Variants in TAFA1 observed in about 807,000 individuals in gnomAD.
TAFA1 encodes the protein chemokine-like protein TAFA-1.
A neutral mutation model predicts 18.5 loss-of-function variants in TAFA1; 4 were observed. That is an observed-to-expected ratio of 0.22 (90% CI 0.11 to 0.49). TAFA1 has a LOEUF of 0.49. Among genes scored for constraint, TAFA1 ranks in the 20% least tolerant of loss-of-function variants. The pLI, the probability that TAFA1 is intolerant of heterozygous loss-of-function variation, is 0.98. For synonymous variants in TAFA1, 56 were observed against 55.2 expected (o/e 1.01, Z -0.06); for missense variants, 147 against 169.0 (o/e 0.87, Z 0.72).
chr3:68,024,410 C>G lies in TAFA1; in HGVS notation c.118+17666C>G, dbSNP rs142112523. On this transcript the variant is annotated intron_variant, in intron 2 of 4. Coordinates refer to ENST00000478136, the MANE Select transcript of TAFA1 (RefSeq NM_213609.4). ...AGTATGGCAATATTTTTCCTCTCCC[C>G]CTTCCTTTAATTAAACATTCTTGTA... Among the ~76,000 whole-genome samples the G allele has an allele frequency of 1.6e-4, 24 of 152,204 alleles. No individual in the cohort carries two copies. The East Asian group carries it at 4.1e-3, about 26-fold the overall frequency.
At chr3:68,003,909 C>A (rs1358251004), upstream of TAFA1, among the ~76,000 whole-genome samples, 1 of 152,094 alleles carries the variant, frequency 6.6e-6, no homozygotes, top group Non-Finnish European at 1.5e-5. Context: ...ATAAACCTGA[C>A]AATATTTGTG....
chr3:68,270,192 T>C (rs1458825918), intron 2 of TAFA1, among the ~76,000 whole-genome samples: 2 of 152,188 alleles, frequency 1.3e-5, no homozygotes, highest in East Asian at 3.9e-4. Context: ...ATTGCGCCAC[T>C]GGAGCTCCAG....
intron 2 of TAFA1, among the ~76,000 whole-genome samples, chr3:68,089,367 ACATTAG>A (rs2065006417): frequency 6.6e-6 from 1 of 152,228 alleles, no homozygotes; most frequent in South Asian, 2.1e-4. Flanking sequence ...TAGATTATAA[ACATTAG>A]CTGTTCCTCT....
intron 2 of TAFA1, among the ~76,000 whole-genome samples, chr3:68,137,935 A>G (rs537307343): frequency 2.0e-5 from 3 of 152,268 alleles, no homozygotes; most frequent in African/African-American, 4.8e-5. Context: ...TTATAGCCAA[A>G]TATCCCAATT....
At chr3:68,390,624 G>A (rs2070216795) in intron 2 of TAFA1, among the ~76,000 whole-genome samples, 1 of 152,222 alleles carries the variant, frequency 6.6e-6, no homozygotes, top group Admixed American at 6.5e-5. Context: ...CATCTGGCAG[G>A]TGGCCCTGTG....
intron 2 of TAFA1, among the ~76,000 whole-genome samples, chr3:68,149,062 A>G (rs1371430906): frequency 6.6e-6 from 1 of 152,186 alleles, no homozygotes; most frequent in Non-Finnish European, 1.5e-5. Flanking sequence ...ACCTGGAAGT[A>G]AGTTAAGCTG....
chr3:68,008,962 C>G (rs1704418532), intron 2 of TAFA1, among the ~76,000 whole-genome samples: 1 of 152,130 alleles, frequency 6.6e-6, no homozygotes, highest in Non-Finnish European at 1.5e-5. Context: ...ATAAAAATAA[C>G]TTCGAATAAG....
chr3:68,380,077 T>C (rs2069904921), intron 2 of TAFA1, among the ~76,000 whole-genome samples: 1 of 152,114 alleles, frequency 6.6e-6, no homozygotes. Context: ...TTCATCCATG[T>C]CCCTACAAAG....
chr3:68,082,277 G>A (rs187537126), intron 2 of TAFA1, among the ~76,000 whole-genome samples: 60 of 152,310 alleles, frequency 3.9e-4, no homozygotes, highest in Non-Finnish European at 6.6e-4. Flanking sequence ...CATCTTGTGC[G>A]TCGCTCACGC....
At chr3:68,053,436 C>A (rs1192065902) in intron 2 of TAFA1, among the ~76,000 whole-genome samples, 1 of 152,060 alleles carries the variant, frequency 6.6e-6, no homozygotes, top group Non-Finnish European at 1.5e-5. Flanking sequence ...TCTGATGGTA[C>A]TTTTTCTAGT....
chr3:68,107,227 G>A (rs1166081049), intron 2 of TAFA1, among the ~76,000 whole-genome samples: 1 of 152,082 alleles, frequency 6.6e-6, no homozygotes, highest in Non-Finnish European at 1.5e-5. Flanking sequence ...CTGTTTTGGG[G>A]AAAGGGGAAG....
chr3:68,122,271 T>C (rs2065408848), intron 2 of TAFA1, among the ~76,000 whole-genome samples: 1 of 152,176 alleles, frequency 6.6e-6, no homozygotes. Flanking sequence ...TTCCAGCATA[T>C]GGCCAGCATT....
In TAFA1 at chr3:68,271,836, T is replaced by TCACA. The variant is rs965274782; in HGVS notation, c.119-145423_119-145420dup. On this transcript the variant is annotated intron_variant, in intron 2 of 4. Transcript: ENST00000478136. Reference sequence around the variant, plus strand: ...GTCTATCTCTCTCTCTCTCTCTCTCTCACACACACACACACACACACACAT... The same window carrying TCACA: ...GTCTATCTCTCTCTCTCTCTCTCTCTCACACACACACACACACACACACACACAT... Among the ~76,000 whole-genome samples, 85 of 129,300 alleles carry TCACA rather than the reference T, an allele frequency of 6.6e-4. No individual in the cohort carries two copies. In the East Asian group the frequency reaches 8.7e-3, roughly 13 times the overall value. 84.8% of individuals were successfully genotyped at this position (129,300 alleles called of 152,430 possible).
intron 3 of TAFA1, among the ~76,000 whole-genome samples, chr3:68,511,916 C>A (rs897301915): frequency 1.8e-4 from 27 of 151,964 alleles, no homozygotes; most frequent in African/African-American, 6.3e-4. Flanking sequence ...ATTATCATCA[C>A]CAATAACATA....
At chr3:68,232,265 T>C (rs2066881145) in intron 2 of TAFA1, among the ~76,000 whole-genome samples, 1 of 152,190 alleles carries the variant, frequency 6.6e-6, no homozygotes, top group African/African-American at 2.4e-5. Flanking sequence ...TACTCTCTAC[T>C]TTTATATGCT....
chr3:68,184,750 G>A (rs1208612560), intron 2 of TAFA1, among the ~76,000 whole-genome samples: 2 of 152,030 alleles, frequency 1.3e-5, no homozygotes, highest in Non-Finnish European at 1.5e-5. Context: ...AAGATATCAG[G>A]CCCAAAGAAT....
At chr3:68,180,440 A>G (rs925664221) in intron 2 of TAFA1, among the ~76,000 whole-genome samples, 1 of 152,178 alleles carries the variant, frequency 6.6e-6, no homozygotes, top group African/African-American at 2.4e-5. Context: ...GGTAAAGGAT[A>G]CTGAACGAGA....
At chr3:68,117,099 C>T (rs192607173) in intron 2 of TAFA1, among the ~76,000 whole-genome samples, 11 of 152,238 alleles carry the variant, frequency 7.2e-5, no homozygotes, top group Non-Finnish European at 1.5e-4. Flanking sequence ...CTCTCTTTTG[C>T]GCAAATAAGT....
At chr3:68,124,909 G>A (rs2065445730) in intron 2 of TAFA1, among the ~76,000 whole-genome samples, 1 of 152,220 alleles carries the variant, frequency 6.6e-6, no homozygotes, top group Non-Finnish European at 1.5e-5. Context: ...AGGGGAGGCA[G>A]GTTAGAGTTG....
Sources: gnomAD v4.1 joint callset for allele counts (sites outside exome capture counted in the v4.1 genomes callset) on GRCh38, gnomAD v4.1.1 for gene constraint, MANE v1.5 for transcripts, NCBI Gene and HGNC (gene_info 2026-07-23, HGNC 2026-07-21) for gene names.